Variants in VCF1 observed in about 807,000 individuals in gnomAD.
VCF1 encodes protein VCF1.
chr17:73,208,570 G>GC, the VCF1 span: 1 of 1,250,240 alleles, frequency 8.0e-7, no homozygotes, highest in Non-Finnish European at 1.2e-6. Flanking sequence ...ATGGAATGTG[G>GC]CCCCCTAGTT....
At chr17:73,232,268 AC>A in the VCF1 span, 1 of 1,606,998 alleles carries the variant, frequency 6.2e-7, no homozygotes, top group Non-Finnish European at 8.5e-7. Flanking sequence ...TCGGACCCGT[AC>A]CACCACTACT....
the VCF1 span, chr17:73,232,024 C>T: frequency 1.3e-6 from 2 of 1,491,112 alleles, no homozygotes; most frequent in East Asian, 2.5e-5. Context: ...TTCGCGCGCC[C>T]CCTCGGCTCT....
the VCF1 span, among the ~76,000 whole-genome samples, chr17:73,229,064 G>A: frequency 6.6e-6 from 1 of 152,158 alleles, no homozygotes; most frequent in Admixed American, 6.5e-5. Flanking sequence ...CAGAGGGACT[G>A]TAAGAACAAA....
chr17:73,225,439 G>A, the VCF1 span, among the ~76,000 whole-genome samples: 349 of 151,452 alleles, frequency 2.3e-3, no homozygotes, highest in Non-Finnish European at 4.0e-3. Flanking sequence ...AAAAAAGGAT[G>A]ACAATTTCTT....
At chr17:73,209,356 G>A in the VCF1 span, 1 of 866,960 alleles carries the variant, frequency 1.2e-6, no homozygotes, top group Non-Finnish European at 1.7e-6. Flanking sequence ...AATTGCAATA[G>A]TGCAGCAAAA....
At chr17:73,209,058 C>A in the VCF1 span, 1 of 197,958 alleles carries the variant, frequency 5.1e-6, no homozygotes. Flanking sequence ...AATTTCAGTG[C>A]AAGACTGAAT....
chr17:73,227,763 G>A, the VCF1 span: 7 of 524,690 alleles, frequency 1.3e-5, no homozygotes, highest in East Asian at 6.0e-4. Context: ...AACACTAGCC[G>A]GTATTATGAT....
At chr17:73,208,332 T>C in the VCF1 span, 1 of 1,613,860 alleles carries the variant, frequency 6.2e-7, no homozygotes, top group Non-Finnish European at 8.5e-7. Context: ...CCCGGCACGC[T>C]CCACAGCTGG....
At chr17:73,226,882 A>C in the VCF1 span, among the ~76,000 whole-genome samples, 1 of 152,252 alleles carries the variant, frequency 6.6e-6, no homozygotes, top group African/African-American at 2.4e-5. Flanking sequence ...GCTGAAATAC[A>C]AAACAGTGAG....
At chr17:73,214,723 G>A in the VCF1 span, among the ~76,000 whole-genome samples, 1 of 152,196 alleles carries the variant, frequency 6.6e-6, no homozygotes, top group Non-Finnish European at 1.5e-5. Flanking sequence ...ACTTGATGAT[G>A]CACGGCTTTG....
chr17:73,226,026 C>A, the VCF1 span, among the ~76,000 whole-genome samples: 4 of 150,966 alleles, frequency 2.6e-5, no homozygotes, highest in East Asian at 7.8e-4. Flanking sequence ...CTCAGCCTCC[C>A]AAGTAGCTGG....
the VCF1 span, among the ~76,000 whole-genome samples, chr17:73,223,285 CCA>C: frequency 8.5e-5 from 13 of 152,086 alleles, no homozygotes; most frequent in Non-Finnish European, 1.3e-4. Context: ...CCATTGCACT[CCA>C]GTCTGGGCAA....
At chr17:73,218,374 A>G in the VCF1 span, among the ~76,000 whole-genome samples, 1 of 152,262 alleles carries the variant, frequency 6.6e-6, no homozygotes, top group Admixed American at 6.5e-5. Flanking sequence ...GTCTCCATGA[A>G]TAAATAACAT....
At chr17:73,224,263 C>CAA in the VCF1 span, among the ~76,000 whole-genome samples, 29,057 of 103,336 alleles carry the variant, frequency 0.28, 5,512 homozygotes, top group Non-Finnish European at 0.34. Flanking sequence ...GTCGTCTCTC[C>CAA]AAAAAAAAAA....
the VCF1 span, chr17:73,212,811 C>T: frequency 6.2e-5 from 72 of 1,168,150 alleles, no homozygotes; most frequent in African/African-American, 1.5e-4. Flanking sequence ...ATATCTATTT[C>T]GTACTATAAT....
At chr17:73,210,608 T>C in the VCF1 span, among the ~76,000 whole-genome samples, 3 of 152,174 alleles carry the variant, frequency 2.0e-5, no homozygotes, top group South Asian at 6.2e-4. Flanking sequence ...TTTTACAATT[T>C]TTTTTGGAGA....
At chr17:73,221,270 T>C in the VCF1 span, among the ~76,000 whole-genome samples, 3 of 151,532 alleles carry the variant, frequency 2.0e-5, no homozygotes, top group Non-Finnish European at 2.9e-5. Flanking sequence ...TAGAAGCACT[T>C]TTTACAAGGC....
At chr17:73,210,757 ATTTTTTTT>A in the VCF1 span, among the ~76,000 whole-genome samples, 2 of 135,122 alleles carry the variant, frequency 1.5e-5, no homozygotes, top group Non-Finnish European at 3.2e-5. Flanking sequence ...ATGCCTCGTT[ATTTTTTTT>A]TTTTTTTTTT....
At chr17:73,217,157 T>C in the VCF1 span, among the ~76,000 whole-genome samples, 2 of 148,018 alleles carry the variant, frequency 1.4e-5, no homozygotes, top group African/African-American at 2.5e-5. Flanking sequence ...TGGTGAAACC[T>C]CATCTCTACT....
Sources: allele counts gnomAD v4.1 joint callset (sites outside exome capture counted in the v4.1 genomes callset), GRCh38; gene constraint gnomAD v4.1.1; transcripts MANE v1.5; gene names NCBI Gene and HGNC (gene_info 2026-07-23, HGNC 2026-07-21).